The following FBP1 variants were observed in gnomAD, a reference collection of about 807,000 sequenced individuals.
FBP1 encodes the protein fructose-1,6-bisphosphatase 1.
In FBP1, 22 loss-of-function variants were observed where a neutral mutation model predicts 29.9. The ratio of observed to expected loss-of-function variants is 0.74; its 90% CI spans 0.53 to 1.05. FBP1 has a LOEUF of 1.05. FBP1 is among the 50% of genes least tolerant of loss of function. FBP1 has a pLI of 0.00. For missense variants in FBP1, 345 were observed against 448.2 expected (o/e 0.77, Z 2.08); for synonymous variants, 175 against 178.6 (o/e 0.98, Z 0.16).
At chr9:94,619,389 C>T (rs1448710993) in intron 2 of FBP1, among the ~76,000 whole-genome samples, 1 of 152,100 alleles carries the variant, frequency 6.6e-6, no homozygotes, top group African/African-American at 2.4e-5. Context: ...ATAGTAAGCC[C>T]ATATAACTGC....
intron 1 of FBP1, among the ~76,000 whole-genome samples, chr9:94,622,596 G>A (rs770516748): frequency 2.0e-5 from 3 of 152,310 alleles, no homozygotes; most frequent in East Asian, 3.9e-4. Flanking sequence ...TCTCGGGCCC[G>A]CCTGTCAGCG....
At chr9:94,617,051 G>A (rs948769386) in intron 3 of FBP1, among the ~76,000 whole-genome samples, 5 of 152,118 alleles carry the variant, frequency 3.3e-5, no homozygotes, top group South Asian at 2.1e-4. Flanking sequence ...TGCTTTCTAC[G>A]ACTTAGAGCA....
At chr9:94,620,170 G>C (rs1104796) in intron 2 of FBP1, among the ~76,000 whole-genome samples, 159 bp downstream of exon 2, 5 of 152,218 alleles carry the variant, frequency 3.3e-5, no homozygotes, top group East Asian at 1.9e-4. Flanking sequence ...GGGAGGATTC[G>C]AGAGATGGCA....
chr9:94,638,633 G>C (rs77761662), intron 1 of FBP1, among the ~76,000 whole-genome samples: 1 of 43,878 alleles, frequency 2.3e-5, no homozygotes, highest in Non-Finnish European at 5.0e-5. Context: ...TGCGGGGGGG[G>C]CGGGGGGGAC....
At chr9:94,614,423 C>T (rs911821489) in intron 3 of FBP1, among the ~76,000 whole-genome samples, 3 of 151,976 alleles carry the variant, frequency 2.0e-5, no homozygotes, top group African/African-American at 7.3e-5. Flanking sequence ...GCCTGTAGTC[C>T]CAGCTACTCA....
chr9:94,624,534 T>C (rs551633071), intron 1 of FBP1, among the ~76,000 whole-genome samples: 2 of 151,398 alleles, frequency 1.3e-5, no homozygotes, highest in South Asian at 4.2e-4. Context: ...ATGTCTGTAA[T>C]CCCAGCTACT....
intron 3 of FBP1, among the ~76,000 whole-genome samples, chr9:94,615,977 G>A (rs546125478): frequency 1.4e-4 from 22 of 151,896 alleles, no homozygotes; most frequent in Non-Finnish European, 2.9e-4. Flanking sequence ...ACAGGCGCCC[G>A]CCACCATGCC....
chr9:94,610,054 G>A lies in FBP1; in HGVS notation c.434C>T (p.Thr145Ile). The A allele has an allele frequency of 6.2e-7, 1 of 1,614,126 alleles. No individual in the cohort carries two copies. The highest frequency in any genetic ancestry group is 8.5e-7 in the Non-Finnish European group (1 of 1,179,968). ...TIFGIYRKKSTDEPSEKDALQ... is the reference protein window; with the variant it reads ...TIFGIYRKKSIDEPSEKDALQ... ...AGCATCCTTCTCAGAAGGCTCATCA[G>A]TTGATTTCTAGAGCAAGAAAGAAAT... Residue 145 changes from threonine to isoleucine, a missense_variant, in exon 4 of 7, where the codon ACT becomes ATT. Physicochemically the swap from Thr to Ile is moderately conservative, Grantham distance 89. Coordinates refer to ENST00000375326, the MANE Select transcript of FBP1 (RefSeq NM_000507.4).
chr9:94,604,332 G>A (rs1414053345), intron 6 of FBP1, among the ~76,000 whole-genome samples: 1 of 152,134 alleles, frequency 6.6e-6, no homozygotes, highest in Non-Finnish European at 1.5e-5. Flanking sequence ...AACCACACAG[G>A]TTGATATGCC....
rs1443928580 is a variant in FBP1 at position 94,607,100 on chromosome 9, G to C, written c.568-148C>G. Reference sequence around the variant, plus strand: ...TCTTGGGGCCCCGAGACACCTGCCAGGCTCTCTGGGAACTGTGAATGGGGT... The same window carrying C: ...TCTTGGGGCCCCGAGACACCTGCCACGCTCTCTGGGAACTGTGAATGGGGT... On this transcript the variant is annotated intron_variant, in intron 4 of 6. Coordinates refer to ENST00000375326, the MANE Select transcript of FBP1 (RefSeq NM_000507.4). 18 of 890,660 alleles carry C rather than the reference G, an allele frequency of 2.0e-5. 1 individual carries two copies. The East Asian group carries it at 4.2e-4, about 21-fold the overall frequency. 55.2% of individuals were successfully genotyped at this position (890,660 alleles called of 1,614,324 possible).
chr9:94,624,134 C>G (rs998021293), intron 1 of FBP1, among the ~76,000 whole-genome samples: 2 of 139,102 alleles, frequency 1.4e-5, no homozygotes, highest in African/African-American at 5.4e-5. Context: ...GTCAGGAGAT[C>G]GAGACCAGCC....
At chr9:94,612,071 G>A (rs1827794154) in intron 3 of FBP1, among the ~76,000 whole-genome samples, 1 of 152,198 alleles carries the variant, frequency 6.6e-6, no homozygotes, top group African/African-American at 2.4e-5. Context: ...GTACAGTGGA[G>A]CTAAACACAG....
At chr9:94,603,747 C>A in intron 6 of FBP1, 175 bp from the exon 7 acceptor site, 1 of 675,586 alleles carries the variant, frequency 1.5e-6, no homozygotes. Flanking sequence ...GCATCTGAGA[C>A]AAAACAGTTA....
chr9:94,620,387 G>T lies in FBP1; in HGVS notation c.275C>A (p.Thr92Lys), dbSNP rs141270413. 3 of 1,614,182 alleles carry T rather than the reference G, an allele frequency of 1.9e-6. No homozygotes were observed. The highest frequency in any genetic ancestry group is 2.5e-6 in the Non-Finnish European group (3 of 1,180,034). Residue 92 changes from threonine (T) to lysine (K), a missense_variant, in exon 2 of 7, where the codon ACG (threonine) becomes AAG (lysine). Coordinates refer to ENST00000375326, the MANE Select transcript of FBP1 (RefSeq NM_000507.4). Reference sequence around the variant, plus strand: ...ATCTTCTTCTGACACGAGAACACACGTGGCAAAGGATGACTTTAACATGTT... The same window carrying T: ...ATCTTCTTCTGACACGAGAACACACTTGGCAAAGGATGACTTTAACATGTT... The part of the protein sequence containing the change: ...VMNMLKSSFA[T>K]CVLVSEEDKH...
At chr9:94,608,268 C>T (rs1214462223) in intron 4 of FBP1, among the ~76,000 whole-genome samples, 6 of 152,206 alleles carry the variant, frequency 3.9e-5, no homozygotes, top group African/African-American at 9.6e-5. Context: ...TTAGCACCTC[C>T]CTGGCGGGAG....
intron 1 of FBP1, among the ~76,000 whole-genome samples, chr9:94,629,892 G>C (rs187282151): frequency 6.6e-6 from 1 of 152,178 alleles, no homozygotes; most frequent in Non-Finnish European, 1.5e-5. Flanking sequence ...CAAGAGTGGA[G>C]GGCCTCTGAG....
chr9:94,638,501 T>C (rs533712178), intron 1 of FBP1, among the ~76,000 whole-genome samples: 1 of 152,298 alleles, frequency 6.6e-6, no homozygotes, highest in East Asian at 1.9e-4. Flanking sequence ...GCCCTGGGTG[T>C]TTCCTGTTTC....
At chr9:94,605,070 G>A (rs1564192808) in intron 6 of FBP1, among the ~76,000 whole-genome samples, 1 of 152,178 alleles carries the variant, frequency 6.6e-6, no homozygotes, top group East Asian at 1.9e-4. Context: ...CCTTTTGAAA[G>A]CAATCAAAGA....
chr9:94,636,990 G>A (rs999107473), intron 1 of FBP1, among the ~76,000 whole-genome samples: 1 of 151,696 alleles, frequency 6.6e-6, no homozygotes, highest in African/African-American at 2.4e-5. Flanking sequence ...ACACCCAGTC[G>A]ACAAGCCCTC....
Sources: gnomAD v4.1 joint callset for allele counts (sites outside exome capture counted in the v4.1 genomes callset) on GRCh38, gnomAD v4.1.1 for gene constraint, MANE v1.5 for transcripts, NCBI Gene and HGNC (gene_info 2026-07-23, HGNC 2026-07-21) for gene names.